The following CNTRL variants were observed in gnomAD, a reference collection of about 807,000 sequenced individuals.
CNTRL encodes the protein 110 kDa centrosomal protein.
A neutral mutation model predicts 303.7 loss-of-function variants in CNTRL; 233 were observed. The ratio of observed to expected loss-of-function variants is 0.77; its 90% confidence interval spans 0.69 to 0.86. The LOEUF is 0.86. Ranked by LOEUF, CNTRL falls within the 40% of genes least tolerant of loss-of-function variation. The pLI, the probability that CNTRL is intolerant of heterozygous loss-of-function variation, is 0.00. For synonymous variants in CNTRL, 900 were observed against 922.2 expected, an observed-to-expected ratio of 0.98 and a Z score of 0.44; for missense variants, 2,524 against 2,650.6, an observed-to-expected ratio of 0.95 and a Z score of 1.05.
Position 121,165,107 on chromosome 9 carries a change from G to A in CNTRL, c.5581+7G>A. 1.3e-6 allele frequency: 2 copies of A among 1,561,336 alleles called. No homozygotes were observed. Among genetic ancestry groups the A allele is most frequent in the South Asian group, 2.4e-5 (2 of 83,366 alleles). On this transcript the variant is annotated splice_region_variant and intron_variant, in intron 35 of 43. Transcript: ENST00000373855. ...ATGCAACAGCAGCTCCAAGGTATAA[G>A]GCAGCAAAACAGTGAAAGTGTGTGA...
intron 2 of CNTRL, among the ~76,000 whole-genome samples, chr9:121,083,321 G>A (rs796637688): frequency 1.3e-5 from 2 of 152,226 alleles, no homozygotes; most frequent in African/African-American, 4.8e-5. Context: ...TTGTACAGTT[G>A]TACAAAATTA....
intron 23 of CNTRL, 72 bp from the exon 24 acceptor site, chr9:121,148,600 A>C: frequency 2.2e-6 from 3 of 1,392,298 alleles, no homozygotes; most frequent in Non-Finnish European, 3.0e-6. Context: ...ACTTTGCTGT[A>C]GACTTTGACG....
rs921467766 is a variant in CNTRL, at chr9:121,088,301, G to C, written c.-26G>C. 2 of 1,427,946 alleles carry C rather than the reference G, an allele frequency of 1.4e-6. No individual in the cohort carries two copies. Among genetic ancestry groups the C allele is most frequent in the Non-Finnish European group, 2.0e-6 (2 of 1,014,648 alleles). The allele number at this position is 1,427,946 out of a possible 1,614,324, so 88.5% of individuals were successfully genotyped here. On this transcript the variant is annotated 5_prime_UTR_variant, in exon 3 of 44. Transcript: ENST00000373855. ...TATACTGAAAACTCTTACAGGTTTT[G>C]ATGAACACCTGGCTTTATTCTTGCA...
chr9:121,100,650 G>C (rs113834716), intron 7 of CNTRL, among the ~76,000 whole-genome samples: 19,787 of 152,250 alleles, frequency 0.13, 1,403 homozygotes, highest in East Asian at 0.18. Context: ...TCTGTGTGCT[G>C]TATTCAGGAG....
chr9:121,112,656 C>A (rs1339286662), intron 9 of CNTRL, 78 bp downstream of exon 9: 1 of 1,400,564 alleles, frequency 7.1e-7, no homozygotes, highest in Non-Finnish European at 1.0e-6. Context: ...GTGGTGAGGA[C>A]ATGTAAGGGA....
At chr9:121,113,470 A>T in intron 9 of CNTRL, 32 bp from the exon 10 acceptor site, 1 of 1,276,086 alleles carries the variant, frequency 7.8e-7, no homozygotes, top group South Asian at 1.4e-5. Context: ...GAGATCACTT[A>T]TTAAACCATA....
At chr9:121,131,885 C>T (rs2050882550) in intron 14 of CNTRL, among the ~76,000 whole-genome samples, 1 of 152,178 alleles carries the variant, frequency 6.6e-6, no homozygotes, top group South Asian at 2.1e-4. Context: ...TTCTCCTTCA[C>T]TCATGAAGCT....
intron 25 of CNTRL, 149 bp downstream of exon 25, chr9:121,150,632 C>G: frequency 1.4e-6 from 1 of 727,416 alleles, no homozygotes. Flanking sequence ...CAAGCATTCT[C>G]TTATTAAAAT....
At chr9:121,101,116 T>C (rs1027183629) in intron 7 of CNTRL, among the ~76,000 whole-genome samples, 12 of 152,206 alleles carry the variant, frequency 7.9e-5, no homozygotes, top group African/African-American at 2.7e-4. Context: ...AGCACCACAT[T>C]GCACTTATTC....
At chr9:121,085,955 G>C (rs1249421006) in intron 2 of CNTRL, among the ~76,000 whole-genome samples, 1 of 152,104 alleles carries the variant, frequency 6.6e-6, no homozygotes, top group African/African-American at 2.4e-5. Flanking sequence ...TTATATAAGT[G>C]GGTCAAAGGT....
chr9:121,151,473 C>G (rs2052255240), intron 25 of CNTRL, among the ~76,000 whole-genome samples: 1 of 144,232 alleles, frequency 6.9e-6, no homozygotes, highest in African/African-American at 2.5e-5. Flanking sequence ...TCACTGCAAC[C>G]TCCGCCTCCC....
intron 1 of CNTRL, among the ~76,000 whole-genome samples, chr9:121,079,177 A>C (rs554608848): frequency 6.6e-6 from 1 of 152,326 alleles, no homozygotes; most frequent in Non-Finnish European, 1.5e-5. Flanking sequence ...AATTACTAAA[A>C]GACTTTTTTC....
chr9:121,121,795 G>A (rs1422683127), intron 12 of CNTRL: 1 of 985,354 alleles, frequency 1.0e-6, no homozygotes, highest in Non-Finnish European at 1.2e-6. Flanking sequence ...TGTGGTTTGA[G>A]GCTCTGCGAA....
At chr9:121,175,867 A>G (rs2053503343) in intron 43 of CNTRL, among the ~76,000 whole-genome samples, 1 of 152,230 alleles carries the variant, frequency 6.6e-6, no homozygotes, top group Admixed American at 6.5e-5. Context: ...CTGTGAGGCC[A>G]ATATGAGTCC....
Position 121,154,755 on chromosome 9 carries a change from A to T in CNTRL, c.4207A>T (p.Thr1403Ser), listed in dbSNP as rs779644625. 3 of 1,609,080 alleles carry T rather than the reference A, an allele frequency of 1.9e-6. No individual in the cohort carries two copies. The highest frequency in any genetic ancestry group is 2.6e-6 in the Non-Finnish European group (3 of 1,175,670). The change falls in exon 27 of 44, where the codon ACT becomes TCT. Residue 1403 changes from threonine to serine, a missense_variant. Thr to Ser is a moderately conservative substitution (Grantham distance 58). Transcript: ENST00000373855. ...TGATGGAAATGTTGAGAGTCTTATG[A>T]CTGAACTAGAAATAGAAAAATCACT... is the stretch of plus-strand genomic sequence containing the variant. Reference protein sequence around the residue: ...FIDGNVESLMTELEIEKSLKH... With the variant: ...FIDGNVESLMSELEIEKSLKH...
intron 23 of CNTRL, 144 bp downstream of exon 23, chr9:121,146,400 T>C: frequency 1.2e-6 from 1 of 819,278 alleles, no homozygotes; most frequent in Non-Finnish European, 1.8e-6. Flanking sequence ...GCGTTTTTAA[T>C]ATTTGAGATG....
chr9:121,159,019 GGT>G lies in CNTRL; in HGVS notation c.4929+5_4929+6del. On this transcript the variant is annotated splice_donor_variant, in intron 31 of 43. Transcript: ENST00000373855. LOFTEE classifies it high-confidence loss of function. The stretch of plus-strand genomic sequence containing the variant: ...TAACTGAGAAGTGCAATCACATTAG[GGT>G]GTGTTTTTTATTAGGGTTTTCTGAA... The G allele has an allele frequency of 6.2e-7, 1 of 1,613,196 alleles. No homozygotes were observed. Among genetic ancestry groups the G allele is most frequent in the Non-Finnish European group, 8.5e-7 (1 of 1,179,660 alleles).
At position 121,175,027 on chromosome 9, in the gene CNTRL, C is replaced by T. The variant is rs762003778; in HGVS notation, c.6757C>T (p.Arg2253Ter). ...HREDRLKAQL[R>*]HCMSKQAEVL... ...TTATCACACTTTTCAGGCCCAACTC[C>T]GACACTGTATGTCCAAGCAAGCAGA... The change falls in exon 43 of 44, where the codon CGA (arginine) becomes TGA (stop). Residue 2253 changes from arginine to a stop codon, truncating the protein, a stop_gained. Transcript: ENST00000373855. LOFTEE classifies it high-confidence loss of function. 14 of 1,613,460 alleles carry T rather than the reference C, an allele frequency of 8.7e-6. No individual in the cohort carries two copies. Among genetic ancestry groups the T allele is most frequent in the South Asian group, 5.5e-5 (5 of 91,032 alleles).
At chr9:121,171,190 G>A in intron 39 of CNTRL, 1 of 626,232 alleles carries the variant, frequency 1.6e-6, no homozygotes, top group Non-Finnish European at 3.0e-6. Flanking sequence ...AGGGATAGTA[G>A]CTTATTATCA....
Sources: gnomAD v4.1 joint callset for allele counts (sites outside exome capture counted in the v4.1 genomes callset) on GRCh38, gnomAD v4.1.1 for gene constraint, MANE v1.5 for transcripts, NCBI Gene and HGNC (gene_info 2026-07-23, HGNC 2026-07-21) for gene names.